Variants in UEVLD observed in about 807,000 individuals in gnomAD.
UEVLD encodes the protein UEV and lactate/malate dehyrogenase domains, also known as ubiquitin-conjugating enzyme E2 variant 3.
UEVLD carries 47 observed loss-of-function variants against 58.6 expected under a neutral mutation model. That is an observed-to-expected ratio of 0.80 (90% CI 0.63 to 1.02). The LOEUF (loss-of-function observed/expected upper bound fraction) is 1.02, where lower values mean the gene tolerates loss of function less well. Ranked by LOEUF, UEVLD falls within the 50% of genes least tolerant of loss-of-function variation. UEVLD has a pLI of 0.00. For synonymous variants in UEVLD, 197 were observed against 195.3 expected (o/e 1.01, Z -0.07); for missense variants, 510 against 550.6 (o/e 0.93, Z 0.74).
At chr11:18,550,031 A>G (rs1320109140) in intron 7 of UEVLD, among the ~76,000 whole-genome samples, 2 of 151,768 alleles carry the variant, frequency 1.3e-5, no homozygotes, top group Admixed American at 1.3e-4. Flanking sequence ...AATGTTGGCC[A>G]GGCTGGTCTT....
chr11:18,547,927 T>A (rs2133981059), intron 7 of UEVLD, among the ~76,000 whole-genome samples: 1 of 152,330 alleles, frequency 6.6e-6, no homozygotes. Context: ...ATCTTGGCTT[T>A]TTTTTAATAA....
At chr11:18,544,036 C>T (rs538999649) in intron 9 of UEVLD, among the ~76,000 whole-genome samples, 2 of 152,108 alleles carry the variant, frequency 1.3e-5, no homozygotes, top group Non-Finnish European at 2.9e-5. Context: ...TTAAATGTTT[C>T]TTTCTGGAAA....
In UEVLD at chr11:18,558,291, C is replaced by G; in HGVS notation, c.652G>C (p.Gly218Arg). 6.2e-7 allele frequency: 1 copy of G among 1,613,332 alleles called. No homozygotes were observed. Among genetic ancestry groups the G allele is most frequent in the African/African-American group, 1.3e-5 (1 of 75,016 alleles). ...DRLVLLDLSE[G>R]TKGATMDLEI... ...AGGTCCATCGTGGCTCCTTTAGTCC[C>G]TTCTGAGAGGTCTAAGAGGACAAGC... The change falls in exon 7 of 12, where the codon GGG (glycine) becomes CGG (arginine). Residue 218 changes from glycine to arginine, a missense_variant. Gly to Arg is a moderately radical substitution (Grantham distance 125, BLOSUM62 -2). Coordinates refer to ENST00000396197, the MANE Select transcript of UEVLD (RefSeq NM_001040697.4).
At chr11:18,553,424 T>C (rs747861021) in intron 7 of UEVLD, among the ~76,000 whole-genome samples, 2 of 152,278 alleles carry the variant, frequency 1.3e-5, no homozygotes, top group South Asian at 2.1e-4. Flanking sequence ...TAGAGCTATA[T>C]GTACTGTTAA....
chr11:18,584,708 C>T (rs953209888), intron 1 of UEVLD, among the ~76,000 whole-genome samples: 4 of 152,182 alleles, frequency 2.6e-5, no homozygotes, highest in African/African-American at 9.7e-5. Flanking sequence ...TCTCAGCTCA[C>T]CACAACCTCC....
At chr11:18,545,046 CTA>C (rs1565113361) in intron 8 of UEVLD, among the ~76,000 whole-genome samples, 66 of 15,320 alleles carry the variant, frequency 4.3e-3, no homozygotes, top group African/African-American at 0.011. Flanking sequence ...GTATATCTAT[CTA>C]TATCTATATC....
chr11:18,557,106 A>AAAG (rs1554979053), intron 7 of UEVLD, among the ~76,000 whole-genome samples: 1 of 151,060 alleles, frequency 6.6e-6, no homozygotes, highest in African/African-American at 2.4e-5. Flanking sequence ...AAAAAAAAAA[A>AAAG]AGAGAGAGAG....
intron 1 of UEVLD, among the ~76,000 whole-genome samples, chr11:18,588,374 G>A (rs541269034): frequency 6.6e-6 from 1 of 152,294 alleles, no homozygotes; most frequent in Non-Finnish European, 1.5e-5. Context: ...GAAGCTGGGG[G>A]TATGAGGAGG....
chr11:18,579,024 C>T (rs564460001), intron 1 of UEVLD, among the ~76,000 whole-genome samples: 14 of 152,276 alleles, frequency 9.2e-5, no homozygotes, highest in East Asian at 1.9e-4. Flanking sequence ...CACGCCACCA[C>T]GCCTGGCTAA....
intron 3 of UEVLD, among the ~76,000 whole-genome samples, chr11:18,574,750 A>G (rs898749020): frequency 6.6e-6 from 1 of 152,108 alleles, no homozygotes; most frequent in African/African-American, 2.4e-5. Context: ...AAATTTTCCT[A>G]TTGGAGTCTG....
intron 7 of UEVLD, among the ~76,000 whole-genome samples, chr11:18,554,086 C>T (rs569194356): frequency 6.6e-6 from 1 of 152,200 alleles, no homozygotes; most frequent in South Asian, 2.1e-4. Flanking sequence ...AGCAACTACT[C>T]TTAATAGTTT....
chr11:18,566,340 T>C lies in UEVLD; in HGVS notation c.493+7A>G, dbSNP rs774280932. ...CTCAAGATAATCTGCCTGACAAATA[T>C]ACAAACCTTCAGTGATTTTTGCAAT... is the stretch of plus-strand genomic sequence containing the variant. On this transcript the variant is annotated splice_region_variant and intron_variant, in intron 5 of 11. Coordinates refer to ENST00000396197, the MANE Select transcript of UEVLD (RefSeq NM_001040697.4). The C allele has an allele frequency of 1.2e-5, 20 of 1,613,690 alleles. No homozygotes were observed. Among genetic ancestry groups the C allele is most frequent in the Non-Finnish European group, 1.7e-5 (20 of 1,180,024 alleles).
At chr11:18,545,016 A>G (rs534749105) in intron 8 of UEVLD, among the ~76,000 whole-genome samples, 3 of 148,598 alleles carry the variant, frequency 2.0e-5, no homozygotes, top group Non-Finnish European at 1.5e-5. Flanking sequence ...GTATGTATAT[A>G]TACGTGTATA....
At chr11:18,572,018 C>T (rs922316916) in intron 3 of UEVLD, among the ~76,000 whole-genome samples, 3 of 152,054 alleles carry the variant, frequency 2.0e-5, no homozygotes, top group East Asian at 1.9e-4. Context: ...GGACAGATCA[C>T]GAGATCAGGA....
At chr11:18,561,022 T>C (rs1180815415) in intron 6 of UEVLD, among the ~76,000 whole-genome samples, 1 of 146,724 alleles carries the variant, frequency 6.8e-6, no homozygotes, top group Non-Finnish European at 1.5e-5. Context: ...AAAAAAAAAA[T>C]GCTGATTTTG....
chr11:18,580,035 CTT>C (rs140542993), intron 1 of UEVLD, among the ~76,000 whole-genome samples: 2,644 of 85,468 alleles, frequency 0.031, 11 homozygotes, highest in Middle Eastern at 0.052. Flanking sequence ...TCCCAGCTGG[CTT>C]TTTTTTTTTT....
chr11:18,581,055 G>A (rs770919012), intron 1 of UEVLD, among the ~76,000 whole-genome samples: 27 of 151,876 alleles, frequency 1.8e-4, no homozygotes, highest in Non-Finnish European at 3.4e-4. Context: ...CCAGCTACTT[G>A]CGAGGCTGAG....
At chr11:18,562,151 C>T (rs1852066325) in intron 6 of UEVLD, among the ~76,000 whole-genome samples, 2 of 151,742 alleles carry the variant, frequency 1.3e-5, no homozygotes, top group South Asian at 2.1e-4. Context: ...ACTGCACAAT[C>T]GCAGCTCACT....
chr11:18,548,706 C>T (rs1380371606), intron 7 of UEVLD, among the ~76,000 whole-genome samples: 4 of 152,198 alleles, frequency 2.6e-5, no homozygotes, highest in African/African-American at 4.8e-5. Flanking sequence ...GGATTACAGG[C>T]GTGAGCCACC....
Sources: gnomAD v4.1 joint callset for allele counts (sites outside exome capture counted in the v4.1 genomes callset) on GRCh38, gnomAD v4.1.1 for gene constraint, MANE v1.5 for transcripts, NCBI Gene and HGNC (gene_info 2026-07-23, HGNC 2026-07-21) for gene names.